Variants in POU6F2 observed in about 807,000 individuals in gnomAD.
POU6F2 encodes POU class 6 homeobox 2.
In POU6F2, 31 loss-of-function variants were observed where a neutral mutation model predicts 71.3. The ratio of observed to expected loss-of-function variants is 0.43; its 90% CI spans 0.33 to 0.59. POU6F2 has a LOEUF of 0.59. Ranked by LOEUF, POU6F2 falls within the 20% of genes least tolerant of loss-of-function variation. The pLI is 0.04. For synonymous variants in POU6F2, 347 were observed against 355.7 expected, an observed-to-expected ratio of 0.98 and a Z score of 0.27; for missense variants, 783 against 856.8, an observed-to-expected ratio of 0.91 and a Z score of 1.07.
intron 2 of POU6F2, among the ~76,000 whole-genome samples, chr7:39,112,338 C>T (rs558581623): frequency 2.0e-5 from 3 of 152,112 alleles, no homozygotes; most frequent in Non-Finnish European, 2.9e-5. Flanking sequence ...AAGAAGTGCT[C>T]GCTATAACAA....
intron 4 of POU6F2, among the ~76,000 whole-genome samples, chr7:39,237,570 GA>G (rs1794696338): frequency 2.0e-5 from 3 of 152,290 alleles, no homozygotes; most frequent in African/African-American, 7.2e-5. Flanking sequence ...CCCATAGACA[GA>G]TAAGAGCTAT....
At chr7:39,165,883 A>G (rs1037092404) in intron 2 of POU6F2, among the ~76,000 whole-genome samples, 1 of 152,270 alleles carries the variant, frequency 6.6e-6, no homozygotes, top group Non-Finnish European at 1.5e-5. Context: ...AAACTTTCTC[A>G]GTCCCAAACT....
intron 1 of POU6F2, among the ~76,000 whole-genome samples, chr7:39,001,355 G>A (rs918631834): frequency 4.0e-5 from 6 of 151,872 alleles, no homozygotes; most frequent in African/African-American, 1.2e-4. Context: ...TACTTGTTAT[G>A]GGTCAGGCAT....
chr7:39,299,336 G>A (rs1354297550), intron 4 of POU6F2, among the ~76,000 whole-genome samples: 1 of 151,928 alleles, frequency 6.6e-6, no homozygotes, highest in Non-Finnish European at 1.5e-5. Flanking sequence ...CTTATCTGTT[G>A]ACCCTTTTGG....
chr7:39,327,145 G>C (rs1298366160), intron 4 of POU6F2, among the ~76,000 whole-genome samples: 1 of 151,994 alleles, frequency 6.6e-6, no homozygotes, highest in Admixed American at 6.5e-5. Flanking sequence ...CTGGCGTGGT[G>C]GCGGGCGCCT....
intron 4 of POU6F2, among the ~76,000 whole-genome samples, chr7:39,297,040 T>C (rs1784858958): frequency 6.6e-6 from 1 of 152,230 alleles, no homozygotes; most frequent in Non-Finnish European, 1.5e-5. Context: ...AGCCTAGGTC[T>C]GTTTGTGCCT....
At chr7:39,185,803 A>ATATATATG (rs1283017542) in intron 2 of POU6F2, among the ~76,000 whole-genome samples, 5 of 141,934 alleles carry the variant, frequency 3.5e-5, no homozygotes, top group African/African-American at 1.3e-4. Context: ...GTATACATAT[A>ATATATATG]TATATGTATA....
intron 2 of POU6F2, among the ~76,000 whole-genome samples, chr7:39,088,540 T>A (rs1219656860): frequency 1.3e-5 from 2 of 152,194 alleles, no homozygotes; most frequent in Non-Finnish European, 2.9e-5. Context: ...GCATTCTTCC[T>A]GAGTAGTTGA....
At chr7:39,186,374 T>G (rs1265413569) in intron 2 of POU6F2, among the ~76,000 whole-genome samples, 2 of 152,164 alleles carry the variant, frequency 1.3e-5, no homozygotes, top group Non-Finnish European at 1.5e-5. Context: ...CGTTTGCTAC[T>G]TGGTTAAGCA....
chr7:39,422,689 T>G (rs1158113460), intron 6 of POU6F2, among the ~76,000 whole-genome samples: 1 of 152,202 alleles, frequency 6.6e-6, no homozygotes, highest in East Asian at 1.9e-4. Flanking sequence ...TTTTCCACCA[T>G]GTGCCTGCCA....
intron 5 of POU6F2, among the ~76,000 whole-genome samples, chr7:39,368,603 A>G (rs959174698): frequency 2.0e-5 from 3 of 152,232 alleles, no homozygotes; most frequent in African/African-American, 7.2e-5. Context: ...TTTCTATTGG[A>G]AGAAGATACC....
intron 5 of POU6F2, among the ~76,000 whole-genome samples, chr7:39,375,610 A>G (rs549128935): frequency 1.3e-5 from 2 of 149,634 alleles, no homozygotes; most frequent in Admixed American, 6.7e-5. Flanking sequence ...GCCAAGACCA[A>G]TGCTTCCTCC....
chr7:39,049,857 T>TA (rs960762928), intron 1 of POU6F2, among the ~76,000 whole-genome samples: 2 of 152,012 alleles, frequency 1.3e-5, no homozygotes, highest in Non-Finnish European at 2.9e-5. Context: ...AACATATATA[T>TA]AAAACTGAGT....
chr7:39,127,085 A>C (rs1792154580), intron 2 of POU6F2, among the ~76,000 whole-genome samples: 2 of 152,232 alleles, frequency 1.3e-5, no homozygotes, highest in South Asian at 4.1e-4. Context: ...TGAAGATGTA[A>C]ATTAAATGTA....
At chr7:39,102,799 A>G (rs1275450327) in intron 2 of POU6F2, among the ~76,000 whole-genome samples, 3 of 152,212 alleles carry the variant, frequency 2.0e-5, no homozygotes, top group South Asian at 2.1e-4. Flanking sequence ...GGTGGAGCCT[A>G]CTACACACTT....
rs559933518 is a variant in POU6F2, at chr7:39,464,172, TC to T, written c.1659-3del. 74 of 1,609,936 alleles carry T rather than the reference TC, an allele frequency of 4.6e-5. No individual in the cohort carries two copies. The African/African-American group carries it at 6.7e-4, about 15-fold the overall frequency. ...GTGTAAGACTGTTCTTTCTCAATTT[TC>T]CCCCCCAGACACACCATCCTGAGAA... On this transcript the variant is annotated splice_polypyrimidine_tract_variant and intron_variant, in intron 9 of 9. Transcript: ENST00000518318. The surrounding 1 kb of genome is among the most constrained non-coding windows in gnomAD (Gnocchi z 4.1).
chr7:39,074,698 G>T (rs1437489089), intron 1 of POU6F2, among the ~76,000 whole-genome samples: 1 of 152,042 alleles, frequency 6.6e-6, no homozygotes, highest in Non-Finnish European at 1.5e-5. Context: ...GGGATGTGGG[G>T]TGGGGAGCAG....
chr7:39,209,610 TA>T (rs886858579), intron 4 of POU6F2, among the ~76,000 whole-genome samples: 5 of 152,126 alleles, frequency 3.3e-5, no homozygotes, highest in African/African-American at 1.2e-4. Flanking sequence ...TCAAGGGCAA[TA>T]AGGATGGTAA....
At chr7:39,226,289 A>G (rs570003438) in intron 4 of POU6F2, among the ~76,000 whole-genome samples, 4 of 152,348 alleles carry the variant, frequency 2.6e-5, no homozygotes, top group South Asian at 4.1e-4. Context: ...CTGAACTGAA[A>G]TGAAAAGGGT....
Sources: allele counts gnomAD v4.1 joint callset (sites outside exome capture counted in the v4.1 genomes callset), GRCh38; gene constraint gnomAD v4.1.1; non-coding constraint Gnocchi (gnomAD v3.1); transcripts MANE v1.5; gene names NCBI Gene and HGNC (gene_info 2026-07-23, HGNC 2026-07-21).